The following HSF5 variants were observed in gnomAD, a reference collection of about 807,000 sequenced individuals.
HSF5 encodes heat shock transcription factor 5.
A neutral mutation model predicts 50.8 loss-of-function variants in HSF5; 5 were observed. That is an observed-to-expected ratio of 0.10 (90% CI 0.05 to 0.21). The LOEUF is 0.21. Among genes scored for constraint, HSF5 ranks in the 10% least tolerant of loss-of-function variants. HSF5 has a pLI of 1.00. For synonymous variants in HSF5, 307 were observed against 307.4 expected (o/e 1.00, Z 0.02); for missense variants, 564 against 762.6 (o/e 0.74, Z 3.07).
intron 5 of HSF5, among the ~76,000 whole-genome samples, chr17:58,432,475 A>G (rs1256824917): frequency 6.6e-6 from 1 of 152,192 alleles, no homozygotes; most frequent in Non-Finnish European, 1.5e-5. Flanking sequence ...CCATGTGAAA[A>G]TCTGGGTGAA....
intron 5 of HSF5, among the ~76,000 whole-genome samples, chr17:58,425,575 CAAAAAA>C (rs66502039): frequency 6.1e-5 from 2 of 32,984 alleles, no homozygotes; most frequent in African/African-American, 2.9e-4. Context: ...ACCTCTATCT[CAAAAAA>C]AAAAAAAAAA....
chr17:58,432,851 C>T (rs534304089), intron 5 of HSF5, among the ~76,000 whole-genome samples: 163 of 152,192 alleles, frequency 1.1e-3, no homozygotes, highest in Middle Eastern at 3.4e-3. Context: ...TGGACCATGG[C>T]GACACCAAAT....
intron 1 of HSF5, among the ~76,000 whole-genome samples, chr17:58,484,164 C>T (rs1223575152): frequency 6.6e-6 from 1 of 150,990 alleles, no homozygotes; most frequent in African/African-American, 2.4e-5. Context: ...CAGTCCACAC[C>T]TGACATACCT....
At chr17:58,473,102 T>C (rs1345242536) in intron 2 of HSF5, among the ~76,000 whole-genome samples, 36 of 152,230 alleles carry the variant, frequency 2.4e-4, no homozygotes, top group Non-Finnish European at 1.5e-5. Flanking sequence ...AGTCAGATTG[T>C]CTGGATTTGT....
At chr17:58,444,658 G>A (rs1974535893) in intron 5 of HSF5, among the ~76,000 whole-genome samples, 1 of 152,100 alleles carries the variant, frequency 6.6e-6, no homozygotes, top group Non-Finnish European at 1.5e-5. Flanking sequence ...ATAACTTCAC[G>A]ACACTGGACT....
In HSF5 at chr17:58,422,132, A is replaced by T. The variant is rs1974236270; in HGVS notation, c.*228T>A. The stretch of plus-strand genomic sequence containing the variant: ...TTAAAAGGGATCTGGGCAGCCAAAA[A>T]ACGTGGCTGCTAGATGTTCAGTAGT... On this transcript the variant is annotated 3_prime_UTR_variant, in exon 6 of 6. Transcript: ENST00000323777. The T allele has an allele frequency of 2.1e-6, 1 of 469,514 alleles. No individual in the cohort carries two copies. The highest frequency in any genetic ancestry group is 2.0e-5 in the African/African-American group (1 of 50,582). The allele number at this position is 469,514 out of a possible 1,614,324, so 29.1% of individuals were successfully genotyped here. A position where few individuals can be genotyped will look rare whatever the true frequency, so the allele number is the denominator to read the frequency against.
intron 5 of HSF5, among the ~76,000 whole-genome samples, chr17:58,448,580 TA>T (rs1395266132): frequency 6.6e-6 from 1 of 152,154 alleles, no homozygotes; most frequent in Admixed American, 6.5e-5. Context: ...TGGGATGATG[TA>T]TTCTGAGTGT....
intron 3 of HSF5, among the ~76,000 whole-genome samples, chr17:58,465,983 G>A (rs983456664): frequency 3.3e-5 from 5 of 152,110 alleles, no homozygotes; most frequent in Non-Finnish European, 7.4e-5. Flanking sequence ...CAGCAGAAAA[G>A]CACTTAACAC....
intron 5 of HSF5, among the ~76,000 whole-genome samples, chr17:58,431,456 G>C (rs1033338851): frequency 1.3e-5 from 2 of 151,920 alleles, no homozygotes; most frequent in Non-Finnish European, 2.9e-5. Flanking sequence ...CCATATACAT[G>C]GTCTGTCATT....
At chr17:58,478,350 G>A (rs904211300) in intron 2 of HSF5, among the ~76,000 whole-genome samples, 3 of 148,516 alleles carry the variant, frequency 2.0e-5, no homozygotes, top group Admixed American at 6.8e-5. Context: ...GGTGGCAGGC[G>A]CCTGTAGTCC....
At chr17:58,469,975 T>C (rs1254650488) in intron 2 of HSF5, among the ~76,000 whole-genome samples, 2 of 152,322 alleles carry the variant, frequency 1.3e-5, no homozygotes, top group Non-Finnish European at 1.5e-5. Context: ...GTGATTCAAA[T>C]ATAGAATTAA....
At chr17:58,467,253 C>T (rs955784066) in intron 2 of HSF5, among the ~76,000 whole-genome samples, 2 of 152,062 alleles carry the variant, frequency 1.3e-5, no homozygotes, top group Non-Finnish European at 1.5e-5. Flanking sequence ...CCTTTCTAAC[C>T]AAACATATAT....
intron 5 of HSF5, among the ~76,000 whole-genome samples, chr17:58,426,727 C>A (rs906653562): frequency 1.3e-5 from 2 of 152,160 alleles, no homozygotes; most frequent in African/African-American, 4.8e-5. Flanking sequence ...TATTTGGGTA[C>A]ATTTGGTTTA....
chr17:58,422,516 A>G (rs1974240456), intron 5 of HSF5, 86 bp from the exon 6 acceptor site: 2 of 979,242 alleles, frequency 2.0e-6, no homozygotes, highest in Non-Finnish European at 3.1e-6. Context: ...CAAGTTGTCT[A>G]TGTCTCACCT....
At chr17:58,437,625 C>T (rs1974443404) in intron 5 of HSF5, among the ~76,000 whole-genome samples, 1 of 152,256 alleles carries the variant, frequency 6.6e-6, no homozygotes, top group African/African-American at 2.4e-5. Flanking sequence ...AATTTTACAG[C>T]ATATACTTTC....
At chr17:58,482,709 CAAAAAAAAA>C (rs34783781) in intron 1 of HSF5, among the ~76,000 whole-genome samples, 814 of 13,388 alleles carry the variant, frequency 0.061, 7 homozygotes, top group Middle Eastern at 0.25. Flanking sequence ...GACTCCATCT[CAAAAAAAAA>C]AAAAAAAAAA....
chr17:58,446,509 C>T (rs1253078264), intron 5 of HSF5, among the ~76,000 whole-genome samples: 1 of 152,186 alleles, frequency 6.6e-6, no homozygotes, highest in Non-Finnish European at 1.5e-5. Flanking sequence ...TCCTGTGGCC[C>T]TTGATTCCAT....
chr17:58,484,762 A>T (rs1367715232), intron 1 of HSF5, among the ~76,000 whole-genome samples: 2 of 152,110 alleles, frequency 1.3e-5, no homozygotes, highest in Non-Finnish European at 2.9e-5. Context: ...TTACTGTTGG[A>T]ACTTTAACCT....
Position 58,461,803 on chromosome 17 carries a change from G to A in HSF5, c.1542+979C>T, listed in dbSNP as rs1316661623. ...GAGAATCGTTTGAACCCAGGAGGTG[G>A]AGGCTGCAGTGAGCTGAGATTGCAC... is the stretch of plus-strand genomic sequence containing the variant. On this transcript the variant is annotated intron_variant, in intron 4 of 5. Transcript: ENST00000323777. 3.3e-5 allele frequency among the ~76,000 whole-genome samples: 5 copies of A among 152,310 alleles called. No homozygotes were observed. In the East Asian group the frequency reaches 9.6e-4, roughly 29 times the overall value.
Sources: gnomAD v4.1 joint callset for allele counts (sites outside exome capture counted in the v4.1 genomes callset) on GRCh38, gnomAD v4.1.1 for gene constraint, MANE v1.5 for transcripts, NCBI Gene and HGNC (gene_info 2026-07-23, HGNC 2026-07-21) for gene names.